The following ASH2L variants were observed in gnomAD, a reference collection of about 807,000 sequenced individuals.
The protein encoded by ASH2L is ASH2 like, histone lysine methyltransferase complex subunit, also known as set1/Ash2 histone methyltransferase complex subunit ASH2.
ASH2L carries 30 observed loss-of-function variants against 81.1 expected under a neutral mutation model. The observed-to-expected ratio is 0.37, with a 90% CI of 0.28 to 0.50. ASH2L has a LOEUF of 0.50. Among genes scored for constraint, ASH2L ranks in the 20% least tolerant of loss-of-function variants. ASH2L has a pLI of 0.95. For missense variants in ASH2L, 559 were observed against 792.1 expected, an observed-to-expected ratio of 0.71 and a Z score of 3.53; for synonymous variants, 273 against 279.9, an observed-to-expected ratio of 0.98 and a Z score of 0.24.
intron 5 of ASH2L, among the ~76,000 whole-genome samples, chr8:38,112,338 T>C (rs1446522240): frequency 6.6e-6 from 1 of 152,086 alleles, no homozygotes; most frequent in Non-Finnish European, 1.5e-5. Context: ...ATTTAATGAA[T>C]TAAAATTTTT....
chr8:38,121,153 T>C lies in ASH2L; in HGVS notation c.1165+4T>C. The C allele has an allele frequency of 6.2e-7, 1 of 1,611,724 alleles. No individual in the cohort carries two copies. The highest frequency in any genetic ancestry group is 8.5e-7 in the Non-Finnish European group (1 of 1,178,750). On this transcript the variant is annotated splice_donor_region_variant and intron_variant, in intron 10 of 15. Transcript: ENST00000343823. The stretch of plus-strand genomic sequence containing the variant: ...TTGTTAGCCCTACATGATCGAGGTA[T>C]GTAAAGTATTGGAGATCATATGGAT...
At chr8:38,133,429 CT>C (rs1306505826) in intron 12 of ASH2L, 24 bp from the exon 13 acceptor site, 10 of 1,558,758 alleles carry the variant, frequency 6.4e-6, no homozygotes, top group South Asian at 1.1e-5. Flanking sequence ...TTTATTGTGC[CT>C]TTTTTTCTTT....
At chr8:38,137,219 G>A (rs768185372) in intron 14 of ASH2L, among the ~76,000 whole-genome samples, 8 of 151,894 alleles carry the variant, frequency 5.3e-5, no homozygotes, top group Non-Finnish European at 1.2e-4. Context: ...TGGCCAACGT[G>A]GTGAAACCCC....
chr8:38,108,833 A>G (rs1037226092), intron 3 of ASH2L, among the ~76,000 whole-genome samples: 1 of 152,094 alleles, frequency 6.6e-6, no homozygotes, highest in Non-Finnish European at 1.5e-5. Context: ...TAATCCCAGC[A>G]CTTTAGGAGG....
intron 3 of ASH2L, among the ~76,000 whole-genome samples, chr8:38,109,102 C>A (rs1000267002): frequency 6.6e-6 from 1 of 152,034 alleles, no homozygotes; most frequent in Admixed American, 6.6e-5. Flanking sequence ...AAAAATAAAG[C>A]CCAGTTAGGT....
intron 8 of ASH2L, among the ~76,000 whole-genome samples, chr8:38,117,206 C>A (rs1437631687): frequency 1.3e-5 from 2 of 152,098 alleles, no homozygotes; most frequent in African/African-American, 2.4e-5. Flanking sequence ...GCGGGAAAAC[C>A]CCTCGTTACT....
At position 38,128,353 on chromosome 8, in the gene ASH2L, G is replaced by T. The variant is rs1320838436; in HGVS notation, c.1228G>T (p.Val410Leu). The change falls in exon 11 of 16, where the codon GTG becomes TTG. Residue 410 changes from valine (V) to leucine (L), a missense_variant. Transcript: ENST00000343823. ...TVVGEKGYSMVRASHGVRKGA... is the reference protein window; with the variant it reads ...TVVGEKGYSMLRASHGVRKGA... ...GGTTGGAGAGAAGGGCTACTCTATGGTGAGGGCCTCTCATGGAGTACGGAA... is the reference window on the plus strand; with the variant it reads ...GGTTGGAGAGAAGGGCTACTCTATGTTGAGGGCCTCTCATGGAGTACGGAA... 1.2e-6 allele frequency: 2 copies of T among 1,614,126 alleles called. No homozygotes were observed. Among genetic ancestry groups the T allele is most frequent in the South Asian group, 2.2e-5 (2 of 91,074 alleles).
chr8:38,122,351 T>C (rs1416362850), intron 10 of ASH2L: 1 of 152,202 alleles, frequency 6.6e-6, no homozygotes, highest in Non-Finnish European at 1.5e-5. Context: ...GATTGGAGCA[T>C]GTTGTTTAGG....
chr8:38,114,684 TAGA>T (rs1810820686), intron 6 of ASH2L: 3 of 504,796 alleles, frequency 5.9e-6, no homozygotes, highest in African/African-American at 3.8e-5. Context: ...CTTTGTGAAA[TAGA>T]AGGATAGGTG....
At chr8:38,117,885 C>G (rs1810972352) in intron 8 of ASH2L, 1 of 152,110 alleles carries the variant, frequency 6.6e-6, no homozygotes, top group Non-Finnish European at 1.5e-5. Context: ...TGGCAAAGCC[C>G]CATCTCTACT....
At chr8:38,114,757 T>C (rs1388856998) in intron 6 of ASH2L, 148 bp from the exon 7 acceptor site, 1 of 597,212 alleles carries the variant, frequency 1.7e-6, no homozygotes, top group African/African-American at 1.9e-5. Flanking sequence ...TTTTTGATGG[T>C]CACTGATTAT....
rs771029964 is a variant in ASH2L, at chr8:38,119,292, C to T, written c.876C>T (p.Ser292=). Reference sequence around the variant, plus strand: ...AAGGGGGAATTGCAGCAGGAAGCAGCGGAAAAGGACGAGGAGCCAAGCGCA... The same window carrying T: ...AAGGGGGAATTGCAGCAGGAAGCAGTGGAAAAGGACGAGGAGCCAAGCGCA... ...NLNGGIAAGS[S]GKGRGAKRKQ... The change falls in exon 9 of 16, where the codon AGC becomes AGT. Residue 292 remains serine (S), a synonymous_variant. Coordinates refer to ENST00000343823, the MANE Select transcript of ASH2L (RefSeq NM_004674.5). 8.4e-6 allele frequency: 13 copies of T among 1,550,106 alleles called. No homozygotes were observed. Among genetic ancestry groups the T allele is most frequent in the East Asian group, 4.9e-5 (2 of 40,828 alleles).
intron 9 of ASH2L, among the ~76,000 whole-genome samples, chr8:38,120,392 G>A (rs369414168): frequency 1.3e-5 from 2 of 151,964 alleles, no homozygotes; most frequent in East Asian, 1.9e-4. Flanking sequence ...TAAAGCTGAG[G>A]TGATGAAATC....
chr8:38,131,615 CAGACTGGGCGACAGAGAGCA>C (rs1402448025), intron 12 of ASH2L, among the ~76,000 whole-genome samples: 4 of 152,146 alleles, frequency 2.6e-5, no homozygotes, highest in Non-Finnish European at 4.4e-5. Context: ...CAGTGAACTC[CAGACTGGGCGACAGAGAGCA>C]AGACTGTCTC....
At chr8:38,135,002 A>G (rs145971725) in intron 13 of ASH2L, among the ~76,000 whole-genome samples, 30 of 152,050 alleles carry the variant, frequency 2.0e-4, no homozygotes, top group African/African-American at 7.2e-4. Flanking sequence ...ATAAACAAGC[A>G]CGCTTAAACA....
chr8:38,113,510 A>C (rs1361199162), intron 5 of ASH2L, among the ~76,000 whole-genome samples: 1 of 152,138 alleles, frequency 6.6e-6, no homozygotes, highest in East Asian at 1.9e-4. Flanking sequence ...TCTAAATAGG[A>C]GGCCAGAAGA....
intron 7 of ASH2L, among the ~76,000 whole-genome samples, chr8:38,116,173 A>G (rs1172615672): frequency 1.3e-5 from 2 of 152,228 alleles, no homozygotes; most frequent in East Asian, 1.9e-4. Context: ...AGACCAGCCT[A>G]GCCAACATGG....
Position 38,128,752 on chromosome 8 carries a change from G to T in ASH2L, c.1334-6G>T. On this transcript the variant is annotated splice_region_variant and splice_polypyrimidine_tract_variant and intron_variant, in intron 11 of 15. Transcript: ENST00000343823. Reference sequence around the variant, plus strand: ...TGACTTCCTGTGTATGTTTTTATTGGGACAGGAAACCTTCAAGCTCCTTTA... The same window carrying T: ...TGACTTCCTGTGTATGTTTTTATTGTGACAGGAAACCTTCAAGCTCCTTTA... 1 of 1,606,508 alleles carries T rather than the reference G, an allele frequency of 6.2e-7. No homozygotes were observed. Among genetic ancestry groups the T allele is most frequent in the South Asian group, 1.1e-5 (1 of 88,996 alleles).
intron 6 of ASH2L, 40 bp downstream of exon 6, chr8:38,114,327 A>C: frequency 1.5e-6 from 2 of 1,295,272 alleles, no homozygotes; most frequent in Non-Finnish European, 2.2e-6. Context: ...CATTTAAAAA[A>C]CCATTGTTTT....
Sources: allele counts gnomAD v4.1 joint callset (sites outside exome capture counted in the v4.1 genomes callset), GRCh38; gene constraint gnomAD v4.1.1; transcripts MANE v1.5; gene names NCBI Gene and HGNC (gene_info 2026-07-23, HGNC 2026-07-21).